Variants in PCDH15 observed in about 807,000 individuals in gnomAD.
PCDH15 encodes the protein protocadherin-15.
In PCDH15, 129 loss-of-function variants were observed where a neutral mutation model predicts 178.5. The ratio of observed to expected loss-of-function variants is 0.72; its 90% CI spans 0.63 to 0.84. The LOEUF (loss-of-function observed/expected upper bound fraction) is 0.84, where lower values mean the gene tolerates loss of function less well. Among genes scored for constraint, PCDH15 ranks in the 40% least tolerant of loss-of-function variants. PCDH15 has a pLI of 0.00. For synonymous variants in PCDH15, 800 were observed against 732.0 expected (o/e 1.09, Z -1.50); for missense variants, 2,230 against 2,099.9 (o/e 1.06, Z -1.21).
chr10:54,081,496 G>A (rs575840789), intron 16 of PCDH15, among the ~76,000 whole-genome samples: 15 of 152,040 alleles, frequency 9.9e-5, no homozygotes, highest in Non-Finnish European at 1.9e-4. Context: ...TGTAATACGC[G>A]GGCCTTGCGA....
At chr10:54,205,498 T>TGTGTGTGTGTGTGC (rs2050706328) in intron 10 of PCDH15, among the ~76,000 whole-genome samples, 2 of 151,172 alleles carry the variant, frequency 1.3e-5, no homozygotes, top group Non-Finnish European at 3.0e-5. Flanking sequence ...TGTGTGTGTG[T>TGTGTGTGTGTGTGC]GTGTGTGTGT....
intron 2 of PCDH15, among the ~76,000 whole-genome samples, chr10:55,503,818 G>A (rs1237051004): frequency 6.6e-6 from 1 of 151,284 alleles, no homozygotes; most frequent in African/African-American, 2.4e-5. Flanking sequence ...TAGCAAAATG[G>A]TACAGCCATG....
At chr10:54,596,083 C>G (rs965041823) in intron 2 of PCDH15, among the ~76,000 whole-genome samples, 1 of 151,956 alleles carries the variant, frequency 6.6e-6, no homozygotes, top group Non-Finnish European at 1.5e-5. Flanking sequence ...ACCTAACCAC[C>G]AATATTCAAA....
intron 1 of PCDH15, among the ~76,000 whole-genome samples, chr10:55,274,004 ATG>A (rs1295934750): frequency 2.0e-5 from 3 of 152,006 alleles, no homozygotes; most frequent in African/African-American, 7.3e-5. Context: ...GTATGTATGT[ATG>A]TGTGTGTGTG....
In PCDH15 at chr10:55,210,872, C is replaced by T. The variant is rs190109149; in HGVS notation, c.-155-44221G>A. On this transcript the variant is annotated intron_variant, in intron 1 of 5. Coordinates refer to the PCDH15 transcript ENST00000458638. ...TGATCTCTTTACCTCGTGATACGCC[C>T]GCCTCGGCCTCCCAAAATGCTGGGA... Among the ~76,000 whole-genome samples, 359 of 151,778 alleles carry T rather than the reference C, an allele frequency of 2.4e-3. 5 individuals are homozygous for T. Among genetic ancestry groups the T allele is most frequent in the African/African-American group, 8.3e-3 (342 of 41,288 alleles).
At chr10:54,759,924 A>G (rs1300147496) in intron 1 of PCDH15, among the ~76,000 whole-genome samples, 1 of 152,160 alleles carries the variant, frequency 6.6e-6, no homozygotes, top group Non-Finnish European at 1.5e-5. Flanking sequence ...GGAGTGAATT[A>G]GTGCCTTCTC....
chr10:53,934,644 T>C (rs2085401598), intron 25 of PCDH15, among the ~76,000 whole-genome samples: 1 of 151,960 alleles, frequency 6.6e-6, no homozygotes, highest in African/African-American at 2.4e-5. Flanking sequence ...TAATGAGACG[T>C]GTGACACATG....
intron 2 of PCDH15, among the ~76,000 whole-genome samples, chr10:55,155,589 G>A (rs1300151877): frequency 2.0e-5 from 3 of 151,742 alleles, no homozygotes; most frequent in African/African-American, 4.8e-5. Flanking sequence ...TCATTTAGGG[G>A]CAAAGATAAG....
At chr10:55,256,551 T>C (rs1049399658) in intron 1 of PCDH15, among the ~76,000 whole-genome samples, 1 of 152,190 alleles carries the variant, frequency 6.6e-6, no homozygotes, top group Non-Finnish European at 1.5e-5. Context: ...CCAATGGTCT[T>C]GGCAAACGGC....
chr10:55,394,986 G>A (rs937316236), intron 2 of PCDH15, among the ~76,000 whole-genome samples: 3 of 151,920 alleles, frequency 2.0e-5, no homozygotes, highest in Admixed American at 6.6e-5. Flanking sequence ...CTTGGGCAAC[G>A]TGAATTGTAA....
rs140290134 is a variant in PCDH15, at chr10:55,160,491, A to G, written c.-80+6085T>C. 1.3e-4 allele frequency among the ~76,000 whole-genome samples: 20 copies of G among 152,090 alleles called. No homozygotes were observed. The East Asian group carries it at 3.9e-3, about 29-fold the overall frequency. ...CTCGAAACTACTTAACACATGTGCT[A>G]TGTCACTGCTTAGGACAGACAATAT... is the stretch of plus-strand genomic sequence containing the variant. On this transcript the variant is annotated intron_variant, in intron 2 of 5. Coordinates refer to the PCDH15 transcript ENST00000458638.
chr10:54,434,867 G>A (rs755572434), intron 3 of PCDH15, among the ~76,000 whole-genome samples: 1 of 152,102 alleles, frequency 6.6e-6, no homozygotes, highest in Non-Finnish European at 1.5e-5. Context: ...CTTCTCACTA[G>A]TAACTGCAAT....
intron 1 of PCDH15, among the ~76,000 whole-genome samples, chr10:54,678,949 G>C (rs1055142675): frequency 1.3e-5 from 2 of 152,062 alleles, no homozygotes; most frequent in Non-Finnish European, 2.9e-5. Context: ...CCAGCACTTT[G>C]GGAGGCCGAG....
At chr10:54,638,953 C>G (rs1345297452) in intron 2 of PCDH15, among the ~76,000 whole-genome samples, 1 of 152,008 alleles carries the variant, frequency 6.6e-6, no homozygotes, top group East Asian at 1.9e-4. Flanking sequence ...AAACTAAATA[C>G]TTCAAGTTCT....
intron 1 of PCDH15, among the ~76,000 whole-genome samples, chr10:55,202,654 T>A (rs1164895241): frequency 6.6e-6 from 1 of 152,148 alleles, no homozygotes; most frequent in Non-Finnish European, 1.5e-5. Flanking sequence ...TTGATGTGGT[T>A]TGGCTCTGTG....
intron 3 of PCDH15, among the ~76,000 whole-genome samples, chr10:54,829,028 G>A (rs1953179762): frequency 6.6e-6 from 1 of 151,900 alleles, no homozygotes; most frequent in Non-Finnish European, 1.5e-5. Context: ...GGAAAACAGA[G>A]TATTAAAGTG....
intron 2 of PCDH15, among the ~76,000 whole-genome samples, chr10:55,380,263 G>C (rs1777676): frequency 0.01 from 1,586 of 152,042 alleles, 30 homozygotes; most frequent in African/African-American, 0.036. Flanking sequence ...TCACTAAAAA[G>C]ACATAGGGAA....
At chr10:54,946,766 A>G (rs1236284143) in intron 2 of PCDH15, among the ~76,000 whole-genome samples, 1 of 151,900 alleles carries the variant, frequency 6.6e-6, no homozygotes, top group East Asian at 1.9e-4. Context: ...GAGCAATTGT[A>G]TGAGATGGAT....
intron 2 of PCDH15, among the ~76,000 whole-genome samples, chr10:54,642,424 G>T (rs536158723): frequency 6.6e-6 from 1 of 152,042 alleles, no homozygotes; most frequent in South Asian, 2.1e-4. Context: ...ATCTCACCTC[G>T]CTTACTTCTG....
Sources: gnomAD v4.1 joint callset for allele counts (sites outside exome capture counted in the v4.1 genomes callset) on GRCh38, gnomAD v4.1.1 for gene constraint, MANE v1.5 for transcripts, NCBI Gene and HGNC (gene_info 2026-07-23, HGNC 2026-07-21) for gene names.